Variants in DCHS2 observed in about 807,000 individuals in gnomAD.
The protein encoded by DCHS2 is dachsous cadherin-related 2, also known as protocadherin-23.
DCHS2 carries 142 observed loss-of-function variants against 182.4 expected under a neutral mutation model. The observed-to-expected ratio is 0.78, with a 90% CI of 0.68 to 0.89. The LOEUF (loss-of-function observed/expected upper bound fraction) is 0.89. DCHS2 is among the 40% of genes least tolerant of loss of function. The pLI is 0.00. For missense variants in DCHS2, 4,319 were observed against 4,198.6 expected, an observed-to-expected ratio of 1.03 and a Z score of -0.79; for synonymous variants, 1,740 against 1,663.3, an observed-to-expected ratio of 1.05 and a Z score of -1.12.
chr4:154,456,847 TTATAA>T (rs1734789438), intron 1 of DCHS2, among the ~76,000 whole-genome samples: 2 of 152,170 alleles, frequency 1.3e-5, no homozygotes, highest in African/African-American at 2.4e-5. Flanking sequence ...GTGTTTGATA[TTATAA>T]TATATTTGGG....
At chr4:154,273,165 A>G (rs1162000156) in intron 13 of DCHS2, among the ~76,000 whole-genome samples, 2 of 152,140 alleles carry the variant, frequency 1.3e-5, no homozygotes, top group Non-Finnish European at 2.9e-5. Context: ...AGGGCAGCAC[A>G]ATTCACAATT....
chr4:154,321,882 A>G lies in DCHS2; in HGVS notation c.4176+449T>C, dbSNP rs138667404. On this transcript the variant is annotated intron_variant, in intron 8 of 19. Transcript: ENST00000357232. The stretch of plus-strand genomic sequence containing the variant: ...ACTTCTCACAACTTGTTTGCCCATT[A>G]TGATTAAAGTAAAGCCTTAAAATAT... 9.7e-4 allele frequency among the ~76,000 whole-genome samples: 147 copies of G among 152,234 alleles called. 1 individual carries two copies. Among genetic ancestry groups the G allele is most frequent in the African/African-American group, 3.2e-3 (135 of 41,558 alleles).
chr4:154,288,213 A>G, intron 13 of DCHS2, among the ~76,000 whole-genome samples: 1 of 152,174 alleles, frequency 6.6e-6, no homozygotes, highest in Middle Eastern at 3.2e-3. Context: ...ACACAGACTG[A>G]AAATAAAGAG....
At chr4:154,422,039 G>C (rs541719171) in intron 1 of DCHS2, among the ~76,000 whole-genome samples, 2 of 152,140 alleles carry the variant, frequency 1.3e-5, no homozygotes, top group South Asian at 4.2e-4. Context: ...AAGTTTCTTC[G>C]CCTAATTTCA....
chr4:154,241,060 T>C (rs1041949016), intron 17 of DCHS2, among the ~76,000 whole-genome samples: 4 of 152,150 alleles, frequency 2.6e-5, no homozygotes, highest in African/African-American at 9.7e-5. Flanking sequence ...GTATATTCAA[T>C]TTTTATATTA....
intron 7 of DCHS2, among the ~76,000 whole-genome samples, chr4:154,323,915 C>A (rs1376733380): frequency 6.6e-6 from 1 of 151,660 alleles, no homozygotes; most frequent in Non-Finnish European, 1.5e-5. Context: ...TGGTCCCAAG[C>A]ATTTTAGATT....
intron 10 of DCHS2, among the ~76,000 whole-genome samples, 191 bp downstream of exon 10, chr4:154,315,557 C>T (rs1735821249): frequency 6.6e-6 from 1 of 152,108 alleles, no homozygotes; most frequent in Non-Finnish European, 1.5e-5. Context: ...ACAAGCAAAT[C>T]TTATGTGATA....
In DCHS2 at chr4:154,280,460, T is replaced by C. The variant is rs563251804; in HGVS notation, c.6464-10447A>G. On this transcript the variant is annotated intron_variant, in intron 13 of 19. Coordinates refer to ENST00000357232, the MANE Select transcript of DCHS2 (RefSeq NM_001358235.2). Reference sequence around the variant, plus strand: ...GACCAATCTCCCTGATAAATATATATGCAAAATTTATCAATAAAATACTAG... The same window carrying C: ...GACCAATCTCCCTGATAAATATATACGCAAAATTTATCAATAAAATACTAG... 2.0e-5 allele frequency among the ~76,000 whole-genome samples: 3 copies of C among 152,256 alleles called. No individual in the cohort carries two copies. The South Asian group carries it at 6.2e-4, about 32-fold the overall frequency.
At chr4:154,358,707 T>A (rs1406740041) in intron 3 of DCHS2, among the ~76,000 whole-genome samples, 2 of 152,094 alleles carry the variant, frequency 1.3e-5, no homozygotes, top group African/African-American at 4.8e-5. Flanking sequence ...TTCACTTTTT[T>A]AAACATTTAT....
chr4:154,477,606 A>G (rs1030301572), intron 1 of DCHS2, among the ~76,000 whole-genome samples: 3 of 152,222 alleles, frequency 2.0e-5, no homozygotes, highest in African/African-American at 4.8e-5. Context: ...GTTATAGATT[A>G]TTTGGAAAGA....
At chr4:154,359,989 T>A (rs1382359926) in intron 3 of DCHS2, among the ~76,000 whole-genome samples, 2 of 152,032 alleles carry the variant, frequency 1.3e-5, no homozygotes, top group African/African-American at 2.4e-5. Flanking sequence ...TGTTTTTTTT[T>A]AAGTCATAAT....
At chr4:154,445,987 C>T (rs988246127) in intron 1 of DCHS2, among the ~76,000 whole-genome samples, 3 of 152,124 alleles carry the variant, frequency 2.0e-5, no homozygotes, top group African/African-American at 7.2e-5. Context: ...AAAAGAGTTT[C>T]ATTACTGAAT....
At chr4:154,310,502 T>C (rs1174535744) in intron 10 of DCHS2, among the ~76,000 whole-genome samples, 13 of 152,198 alleles carry the variant, frequency 8.5e-5, no homozygotes, top group Non-Finnish European at 1.5e-5. Context: ...TTATCATGTA[T>C]GACATGCTCA....
chr4:154,466,859 T>C (rs1009938931), intron 1 of DCHS2, among the ~76,000 whole-genome samples: 2 of 152,194 alleles, frequency 1.3e-5, no homozygotes, highest in African/African-American at 4.8e-5. Flanking sequence ...AAGCTTAAGG[T>C]TTAACTAGAT....
At chr4:154,392,034 A>G (rs1048674456) in intron 1 of DCHS2, among the ~76,000 whole-genome samples, 2 of 152,182 alleles carry the variant, frequency 1.3e-5, no homozygotes, top group Non-Finnish European at 2.9e-5. Flanking sequence ...TTAACTTATA[A>G]AATGACACCG....
chr4:154,302,849 TG>T (rs1451189792), intron 12 of DCHS2, among the ~76,000 whole-genome samples: 1 of 110,002 alleles, frequency 9.1e-6, no homozygotes, highest in Non-Finnish European at 2.1e-5. Flanking sequence ...CACACATATA[TG>T]AAATATATAT....
At chr4:154,476,220 A>G (rs1311056583) in intron 1 of DCHS2, among the ~76,000 whole-genome samples, 2 of 152,230 alleles carry the variant, frequency 1.3e-5, no homozygotes, top group African/African-American at 2.4e-5. Flanking sequence ...TTACAAGTGG[A>G]GACATGGAAA....
chr4:154,488,723 T>C lies in DCHS2; in HGVS notation c.2052+581A>G, dbSNP rs186071482. ...TTCGAGACCAGCCTGGCAAACATGG[T>C]GAAACCCCATCTCCACTAAAAAAAT... On this transcript the variant is annotated intron_variant, in intron 1 of 19. Transcript: ENST00000357232. 7.2e-4 allele frequency among the ~76,000 whole-genome samples: 109 copies of C among 152,012 alleles called. No homozygotes were observed. The East Asian group carries it at 0.015, about 21-fold the overall frequency.
intron 7 of DCHS2, among the ~76,000 whole-genome samples, chr4:154,325,577 G>T (rs965446967): frequency 5.9e-5 from 9 of 152,040 alleles, no homozygotes; most frequent in African/African-American, 9.7e-5. Flanking sequence ...AATTTGAGAA[G>T]TAACAAAAGG....
Sources: gnomAD v4.1 joint callset for allele counts (sites outside exome capture counted in the v4.1 genomes callset) on GRCh38, gnomAD v4.1.1 for gene constraint, MANE v1.5 for transcripts, NCBI Gene and HGNC (gene_info 2026-07-23, HGNC 2026-07-21) for gene names.